Variants in CRCP observed in about 807,000 individuals in gnomAD.
The protein encoded by CRCP is DNA-directed RNA polymerase III subunit RPC9.
Under a neutral mutation model 18.5 loss-of-function variants are expected in CRCP, and 18 were observed. The ratio of observed to expected loss-of-function variants is 0.97; its 90% CI spans 0.67 to 1.44. The LOEUF (loss-of-function observed/expected upper bound fraction) is 1.44, where lower values mean the gene tolerates loss of function less well. Among genes scored for constraint, CRCP ranks in the 40% most tolerant of loss-of-function variants. The pLI is 0.00. For synonymous variants in CRCP, 53 were observed against 62.9 expected (o/e 0.84, Z 0.75); for missense variants, 130 against 176.4 (o/e 0.74, Z 1.49).
Position 66,134,309 on chromosome 7 carries a change from C to T in CRCP, c.174C>T (p.Cys58=). 1.2e-6 allele frequency: 2 copies of T among 1,606,414 alleles called. No homozygotes were observed. The highest frequency in any genetic ancestry group is 2.2e-5 in the East Asian group (1 of 44,700). ...ETLKYISKTP[C]RHQSPEIVRE... is the part of the protein sequence containing the mutation. ...TAAAATACATATCAAAAACACCATG[C>T]AGGCACCAGAGTCCTGAAATTGTCA... The change falls in exon 4 of 6, where the codon TGC becomes TGT. Residue 58 remains cysteine, a synonymous_variant. Transcript: ENST00000395326.
intron 1 of CRCP, among the ~76,000 whole-genome samples, chr7:66,115,473 G>C (rs868560862): frequency 1.3e-5 from 2 of 152,164 alleles, no homozygotes; most frequent in Admixed American, 1.3e-4. Flanking sequence ...GTGAGGGAAG[G>C]GGCTGGTTTT....
intron 3 of CRCP, among the ~76,000 whole-genome samples, chr7:66,134,025 A>T (rs553621946): frequency 7.3e-5 from 11 of 151,312 alleles, no homozygotes; most frequent in African/African-American, 2.7e-4. Context: ...CACCCAGCTA[A>T]TTTTTTGTAT....
intron 5 of CRCP, among the ~76,000 whole-genome samples, chr7:66,146,401 C>T (rs1343983379): frequency 6.6e-6 from 1 of 151,288 alleles, no homozygotes; most frequent in Non-Finnish European, 1.5e-5. Context: ...GGGCAGAGAG[C>T]ATCGGTACCT....
rs79665297 is a variant in CRCP, at chr7:66,142,006, G to A, written c.240-3437G>A. Among the ~76,000 whole-genome samples the A allele has an allele frequency of 4.9e-3, 746 of 152,188 alleles. 8 individuals are homozygous for A. The highest frequency in any genetic ancestry group is 0.017 in the African/African-American group (694 of 41,526). On this transcript the variant is annotated intron_variant, in intron 4 of 5. Coordinates refer to ENST00000395326, the MANE Select transcript of CRCP (RefSeq NM_014478.5). ...CTCGAGTTGGAGTTTTTCAGGGAGC[G>A]GTTGTGAATGTCTTTGCTGATCTTC... is the stretch of plus-strand genomic sequence containing the variant.
At chr7:66,133,866 T>C (rs1787887847) in intron 3 of CRCP, among the ~76,000 whole-genome samples, 1 of 147,088 alleles carries the variant, frequency 6.8e-6, no homozygotes, top group Admixed American at 6.8e-5. Context: ...TTCTTTTTTT[T>C]TTTTTTTTTT....
chr7:66,136,648 G>A (rs1191680587), intron 4 of CRCP, among the ~76,000 whole-genome samples: 1 of 151,908 alleles, frequency 6.6e-6, no homozygotes, highest in Non-Finnish European at 1.5e-5. Context: ...TCAGGTGTGA[G>A]CCACCGTGCC....
intron 5 of CRCP, among the ~76,000 whole-genome samples, chr7:66,148,358 A>G (rs1584100852): frequency 6.6e-6 from 1 of 152,200 alleles, no homozygotes; most frequent in East Asian, 1.9e-4. Flanking sequence ...CAAGAGCGAA[A>G]CTCCTTCTCT....
intron 5 of CRCP, among the ~76,000 whole-genome samples, chr7:66,146,910 C>T (rs1488992282): frequency 6.6e-6 from 1 of 152,188 alleles, no homozygotes. Context: ...TGTCATGTCT[C>T]CTCCAGCTTT....
intron 4 of CRCP, 45 bp from the exon 5 acceptor site, chr7:66,145,398 A>G: frequency 6.2e-7 from 1 of 1,602,858 alleles, no homozygotes; most frequent in Non-Finnish European, 8.5e-7. Context: ...AGGACTCAGG[A>G]CTTAGGGCTA....
At chr7:66,140,440 G>A (rs1584090729) in intron 4 of CRCP, among the ~76,000 whole-genome samples, 1 of 149,578 alleles carries the variant, frequency 6.7e-6, no homozygotes, top group African/African-American at 2.5e-5. Context: ...TACCCAGGCT[G>A]GATGGAGTGC....
intron 5 of CRCP, among the ~76,000 whole-genome samples, chr7:66,148,582 G>A (rs898702717): frequency 5.9e-5 from 9 of 152,182 alleles, no homozygotes; most frequent in African/African-American, 2.2e-4. Flanking sequence ...GTGATTTGCT[G>A]TGGCCCTCTG....
chr7:66,127,989 G>A (rs570258290), intron 2 of CRCP, among the ~76,000 whole-genome samples: 3 of 152,040 alleles, frequency 2.0e-5, no homozygotes, highest in East Asian at 1.9e-4. Context: ...GCACATGCCT[G>A]TAGTCCCAGC....
chr7:66,121,009 G>A lies in CRCP; in HGVS notation c.8+6039G>A, dbSNP rs571057809. On this transcript the variant is annotated intron_variant, in intron 1 of 5. Coordinates refer to ENST00000395326, the MANE Select transcript of CRCP (RefSeq NM_014478.5). ...TGCTACTTTTTAAAATTCTGATTGAGGAAATACCTACTAAGTAACTAATAC... is the reference window on the plus strand; with the variant it reads ...TGCTACTTTTTAAAATTCTGATTGAAGAAATACCTACTAAGTAACTAATAC... 2.7e-5 allele frequency among the ~76,000 whole-genome samples: 4 copies of A among 149,696 alleles called. No individual in the cohort carries two copies. The South Asian group carries it at 8.5e-4, about 32-fold the overall frequency.
At chr7:66,120,920 A>G (rs1787419333) in intron 1 of CRCP, among the ~76,000 whole-genome samples, 1 of 151,860 alleles carries the variant, frequency 6.6e-6, no homozygotes, top group Non-Finnish European at 1.5e-5. Context: ...TGTATATTGT[A>G]CCTCTATCAG....
intron 1 of CRCP, among the ~76,000 whole-genome samples, chr7:66,115,891 C>G (rs1393408993): frequency 6.6e-6 from 1 of 152,206 alleles, no homozygotes; most frequent in Non-Finnish European, 1.5e-5. Flanking sequence ...GCCTCACTTT[C>G]TGGACTCAAG....
chr7:66,126,362 C>T (rs1397555857), intron 1 of CRCP, among the ~76,000 whole-genome samples: 1 of 60,644 alleles, frequency 1.6e-5, no homozygotes, highest in East Asian at 3.5e-4. Context: ...CTCTGTTGCA[C>T]ATTACAAATC....
chr7:66,131,708 A>C (rs1211966952), intron 3 of CRCP, among the ~76,000 whole-genome samples: 1 of 152,152 alleles, frequency 6.6e-6, no homozygotes, highest in African/African-American at 2.4e-5. Flanking sequence ...ATCATGAGAA[A>C]GCATCACATC....
At chr7:66,137,046 A>T (rs542966152) in intron 4 of CRCP, among the ~76,000 whole-genome samples, 38 of 151,914 alleles carry the variant, frequency 2.5e-4, no homozygotes, top group African/African-American at 8.9e-4. Flanking sequence ...GCGCCACTGC[A>T]CTCCAGCCTG....
intron 1 of CRCP, among the ~76,000 whole-genome samples, chr7:66,117,114 T>TC (rs1787289735): frequency 7.6e-6 from 1 of 130,908 alleles, no homozygotes; most frequent in African/African-American, 2.8e-5. Context: ...GGCAAGACTG[T>TC]CTCAAAAAAA....
Sources: allele counts gnomAD v4.1 joint callset (sites outside exome capture counted in the v4.1 genomes callset), GRCh38; gene constraint gnomAD v4.1.1; transcripts MANE v1.5; gene names NCBI Gene and HGNC (gene_info 2026-07-23, HGNC 2026-07-21).